The following RBFOX1 variants were observed in gnomAD, a reference collection of about 807,000 sequenced individuals.
The protein encoded by RBFOX1 is RNA binding protein fox-1 homolog 1.
In RBFOX1, 8 loss-of-function variants were observed where a neutral mutation model predicts 57.7. The ratio of observed to expected loss-of-function variants is 0.14; its 90% CI spans 0.08 to 0.25. The LOEUF (loss-of-function observed/expected upper bound fraction) is 0.25. Among genes scored for constraint, RBFOX1 ranks in the 10% least tolerant of loss-of-function variants. The probability of loss-of-function intolerance (pLI) is 1.00; values close to 1 mark genes in which losing one functional copy is unlikely to be tolerated. For synonymous variants in RBFOX1, 326 were observed against 222.4 expected (o/e 1.47, Z -4.15); for missense variants, 611 against 548.5 (o/e 1.11, Z -1.14).
At chr16:5,588,488 C>CT (rs200184911) in intron 2 of RBFOX1, among the ~76,000 whole-genome samples, 2,173 of 152,124 alleles carry the variant, frequency 0.014, 18 homozygotes, top group Non-Finnish European at 0.021. Flanking sequence ...TAGCATTCTG[C>CT]TTTTTTTTCT....
At chr16:5,596,569 C>A (rs993886455) in intron 2 of RBFOX1, among the ~76,000 whole-genome samples, 2 of 152,042 alleles carry the variant, frequency 1.3e-5, no homozygotes, top group Non-Finnish European at 2.9e-5. Context: ...GGAGGGAGGC[C>A]CGTCTCAAAG....
chr16:7,621,364 A>T (rs2059295306), intron 10 of RBFOX1, among the ~76,000 whole-genome samples: 1 of 151,960 alleles, frequency 6.6e-6, no homozygotes, highest in African/African-American at 2.4e-5. Flanking sequence ...GGGTTCAAGC[A>T]ATTCTTGTGC....
At chr16:7,273,770 A>C (rs13329891) in intron 4 of RBFOX1, among the ~76,000 whole-genome samples, 1 of 152,010 alleles carries the variant, frequency 6.6e-6, no homozygotes. Context: ...GATATTTGCC[A>C]TACCCATTTC....
chr16:5,733,320 T>A (rs749263304), intron 3 of RBFOX1, among the ~76,000 whole-genome samples: 1 of 152,112 alleles, frequency 6.6e-6, no homozygotes, highest in Admixed American at 6.5e-5. Context: ...AGGCTGTGGG[T>A]GGACTCATCC....
At chr16:5,424,884 T>TTTCC (rs1440856639) in intron 1 of RBFOX1, among the ~76,000 whole-genome samples, 1 of 29,198 alleles carries the variant, frequency 3.4e-5, no homozygotes, top group East Asian at 8.2e-4. Flanking sequence ...TTTTTCTTTC[T>TTTCC]TTCTTTCTTT....
chr16:7,223,663 C>G lies in RBFOX1; in HGVS notation c.27+171565C>G, dbSNP rs571460038. Among the ~76,000 whole-genome samples the G allele has an allele frequency of 4.9e-5, 7 of 142,860 alleles. No individual in the cohort carries two copies. The East Asian group carries it at 8.2e-4, about 17-fold the overall frequency. 93.7% of individuals were successfully genotyped at this position (142,860 alleles called of 152,430 possible). On this transcript the variant is annotated intron_variant, in intron 4 of 15. Transcript: ENST00000550418. ...TATTTCAGTGTCTTATGTTTCAGAA[C>G]TAAAGAAATGTTGAATTAAATTCCC... is the stretch of plus-strand genomic sequence containing the variant.
At chr16:5,509,521 T>A (rs971191702) in intron 2 of RBFOX1, among the ~76,000 whole-genome samples, 1 of 152,144 alleles carries the variant, frequency 6.6e-6, no homozygotes, top group Non-Finnish European at 1.5e-5. Flanking sequence ...AAGGGGAGTG[T>A]GGAATGAGAT....
At chr16:7,081,861 G>C (rs527449793) in intron 4 of RBFOX1, among the ~76,000 whole-genome samples, 1 of 152,302 alleles carries the variant, frequency 6.6e-6, no homozygotes, top group Admixed American at 6.5e-5. Flanking sequence ...GTTGAGGTCA[G>C]TCTTTTTAGT....
At chr16:6,123,609 T>A (rs2096567553) in intron 1 of RBFOX1, among the ~76,000 whole-genome samples, 1 of 152,196 alleles carries the variant, frequency 6.6e-6, no homozygotes, top group Non-Finnish European at 1.5e-5. Context: ...GTGAATGTAC[T>A]CAATGCCACT....
chr16:7,395,455 C>G (rs1318765602), intron 4 of RBFOX1, among the ~76,000 whole-genome samples: 2 of 152,210 alleles, frequency 1.3e-5, no homozygotes, highest in Admixed American at 6.5e-5. Flanking sequence ...ATTGGGGAAG[C>G]TAAGATTTTA....
At chr16:5,336,060 A>G (rs2064888341) in intron 1 of RBFOX1, among the ~76,000 whole-genome samples, 1 of 152,140 alleles carries the variant, frequency 6.6e-6, no homozygotes, top group African/African-American at 2.4e-5. Context: ...GTACCATAGC[A>G]AGGAATTAAC....
intron 1 of RBFOX1, among the ~76,000 whole-genome samples, chr16:6,214,899 C>T (rs556547650): frequency 9.2e-5 from 4 of 43,390 alleles, no homozygotes; most frequent in East Asian, 7.8e-4. Flanking sequence ...GGAGTGGGAC[C>T]GGGAGAGAAG....
intron 2 of RBFOX1, among the ~76,000 whole-genome samples, chr16:6,579,129 A>G (rs532400799): frequency 1.3e-5 from 2 of 152,144 alleles, no homozygotes; most frequent in African/African-American, 2.4e-5. Context: ...TTTTGGTTCT[A>G]CCTAGAGAAA....
intron 2 of RBFOX1, among the ~76,000 whole-genome samples, chr16:6,547,453 A>T (rs960788602): frequency 6.6e-6 from 1 of 152,222 alleles, no homozygotes; most frequent in Non-Finnish European, 1.5e-5. Context: ...GCCATCTTCC[A>T]TAGTAACTAG....
At chr16:6,894,984 G>A (rs1372223516) in intron 3 of RBFOX1, among the ~76,000 whole-genome samples, 1 of 152,112 alleles carries the variant, frequency 6.6e-6, no homozygotes, top group East Asian at 1.9e-4. Context: ...AACTAACAGA[G>A]ACTCTGAAAA....
At chr16:6,262,295 G>T (rs184926384) in intron 1 of RBFOX1, among the ~76,000 whole-genome samples, 38 of 152,270 alleles carry the variant, frequency 2.5e-4, no homozygotes, top group Non-Finnish European at 4.1e-4. Context: ...GAAGCTGCAT[G>T]TACCAATTTC....
Position 7,038,692 on chromosome 16 carries a change from C to G in RBFOX1, c.-15-13365C>G, listed in dbSNP as rs186906373. ...CACGAGACTGCATTCTTGCAGAAAG[C>G]AGATGTGGGAGGCCGAAGGGGATAT... On this transcript the variant is annotated intron_variant, in intron 3 of 15. Coordinates refer to ENST00000550418, the MANE Select transcript of RBFOX1 (RefSeq NM_018723.4). Among the ~76,000 whole-genome samples, 17 of 152,178 alleles carry G rather than the reference C, an allele frequency of 1.1e-4. No homozygotes were observed. In the East Asian group the frequency reaches 3.1e-3, roughly 28 times the overall value.
chr16:7,605,336 C>G (rs2095243412), intron 9 of RBFOX1, among the ~76,000 whole-genome samples: 1 of 152,098 alleles, frequency 6.6e-6, no homozygotes, highest in South Asian at 2.1e-4. Context: ...TATGAAATTT[C>G]AGAAACCGCT....
chr16:6,806,836 A>ATATTTTTT (rs754342591), intron 3 of RBFOX1, among the ~76,000 whole-genome samples: 1 of 91,904 alleles, frequency 1.1e-5, no homozygotes, highest in Non-Finnish European at 2.1e-5. Flanking sequence ...ATATATATAT[A>ATATTTTTT]TTTTTTTTTT....
Sources: allele counts gnomAD v4.1 joint callset (sites outside exome capture counted in the v4.1 genomes callset), GRCh38; gene constraint gnomAD v4.1.1; transcripts MANE v1.5; gene names NCBI Gene and HGNC (gene_info 2026-07-23, HGNC 2026-07-21).